Variants in MEIOSIN observed in about 807,000 individuals in gnomAD.
MEIOSIN encodes meiosis initiator protein.
A neutral mutation model predicts 23.4 loss-of-function variants in MEIOSIN; 18 were observed. The observed-to-expected ratio is 0.77, with a 90% CI of 0.53 to 1.14. MEIOSIN has a LOEUF of 1.14. Among genes scored for constraint, MEIOSIN ranks in the 50% most tolerant of loss-of-function variants. The probability of loss-of-function intolerance (pLI) is 0.00; values close to 1 mark genes in which losing one functional copy is unlikely to be tolerated. For missense variants in MEIOSIN, 428 were observed against 242.9 expected (o/e 1.76, Z -5.07); for synonymous variants, 187 against 100.6 (o/e 1.86, Z -5.14).
At chr19:45,759,321 G>A (rs952461990) in intron 10 of MEIOSIN, 93 bp from the exon 11 acceptor site, 6 of 681,250 alleles carry the variant, frequency 8.8e-6, no homozygotes, top group African/African-American at 5.3e-5. Flanking sequence ...CGCCAGAGAC[G>A]GGGACTCCGG....
intron 2 of MEIOSIN, among the ~76,000 whole-genome samples, chr19:45,736,911 C>T (rs988503177): frequency 1.3e-5 from 2 of 149,106 alleles, no homozygotes; most frequent in Non-Finnish European, 3.0e-5. Flanking sequence ...TCTTGCTGCC[C>T]AGGCTGGACT....
At chr19:45,755,779 A>C (rs566239757) in intron 7 of MEIOSIN, among the ~76,000 whole-genome samples, 191 bp from the exon 8 acceptor site, 2 of 152,242 alleles carry the variant, frequency 1.3e-5, no homozygotes, top group South Asian at 4.2e-4. Flanking sequence ...TGTGGGATTC[A>C]AAAAACCCAG....
At chr19:45,753,509 A>G in intron 5 of MEIOSIN, 142 bp from the exon 6 acceptor site, 1 of 581,474 alleles carries the variant, frequency 1.7e-6, no homozygotes, top group Non-Finnish European at 3.1e-6. Context: ...GGCCTTGGAT[A>G]AGCCCTCAGT....
At chr19:45,757,319 G>GA (rs1968850769) in intron 9 of MEIOSIN, 42 bp downstream of exon 9, 1 of 693,310 alleles carries the variant, frequency 1.4e-6, no homozygotes, top group African/African-American at 1.8e-5. Context: ...GCTGGTGTGG[G>GA]CCTTCCCATA....
chr19:45,737,204 GCT>G (rs1968422891), intron 2 of MEIOSIN, among the ~76,000 whole-genome samples: 1 of 147,846 alleles, frequency 6.8e-6, no homozygotes, highest in Admixed American at 6.8e-5. Flanking sequence ...ACAAGGTCTT[GCT>G]CTGTCACCTA....
intron 3 of MEIOSIN, 85 bp from the exon 4 acceptor site, chr19:45,745,107 G>T (rs1358933676): frequency 1.4e-6 from 1 of 690,924 alleles, no homozygotes; most frequent in Non-Finnish European, 2.6e-6. Context: ...GCCCTAAAAT[G>T]AGTAACACAG....
At chr19:45,751,216 G>A (rs1004277807) in intron 5 of MEIOSIN, among the ~76,000 whole-genome samples, 1 of 150,990 alleles carries the variant, frequency 6.6e-6, no homozygotes, top group African/African-American at 2.4e-5. Flanking sequence ...AGGTTGCTGT[G>A]AGCCGAGATC....
rs1210226173 is a variant in MEIOSIN at position 45,756,104 on chromosome 19, T to G, written c.911+26T>G. The G allele has an allele frequency of 4.3e-6, 3 of 701,882 alleles. No individual in the cohort carries two copies. The East Asian group carries it at 8.0e-5, about 19-fold the overall frequency. The allele number at this position is 701,882 out of a possible 1,614,324, so 43.5% of individuals were successfully genotyped here. ...GTAAGGGCGTCCCCAGGGCACTGAG[T>G]GAGTGGTGCTGAGGGGTTTGGTCTG... On this transcript the variant is annotated intron_variant, in intron 8 of 14. Transcript: ENST00000457052.
chr19:45,750,241 G>C (rs1295993266), intron 4 of MEIOSIN, among the ~76,000 whole-genome samples: 1 of 145,488 alleles, frequency 6.9e-6, no homozygotes, highest in Non-Finnish European at 1.5e-5. Context: ...GCAGTGGCAT[G>C]ATCTCAGCTC....
chr19:45,749,685 A>AAAC (rs1555783397), intron 4 of MEIOSIN, among the ~76,000 whole-genome samples: 3 of 147,034 alleles, frequency 2.0e-5, no homozygotes, highest in Admixed American at 6.7e-5. Flanking sequence ...AAAAAAAAAA[A>AAAC]AAAAAAGCGC....
chr19:45,754,832 T>C, intron 7 of MEIOSIN, 108 bp downstream of exon 7: 1 of 642,368 alleles, frequency 1.6e-6, no homozygotes, highest in Non-Finnish European at 2.8e-6. Context: ...CAGCAGTGAA[T>C]AGGAAACACC....
At position 45,758,964 on chromosome 19, in the gene MEIOSIN, C is replaced by A. The variant is rs1001190298; in HGVS notation, c.1099C>A (p.Leu367Ile). The A allele has an allele frequency of 1.4e-6, 1 of 703,102 alleles. No homozygotes were observed. Among genetic ancestry groups the A allele is most frequent in the Non-Finnish European group, 2.6e-6 (1 of 385,034 alleles). The allele number at this position is 703,102 out of a possible 1,614,324, so 43.6% of individuals were successfully genotyped here. A position where few individuals can be genotyped will look rare whatever the true frequency, so the allele number is the denominator to read the frequency against. The change falls in exon 10 of 15, where the codon CTT becomes ATT. Residue 367 changes from leucine to isoleucine, a missense_variant. Transcript: ENST00000457052. ...TGAGATCCTCGGGCTCAGCCCTAGC[C>A]TTTTCAGCTCCCCAGGGAAACTGCT... is the stretch of plus-strand genomic sequence containing the variant. ...PSEILGLSPSLFSSPGKLLPD... is the reference protein window; with the variant it reads ...PSEILGLSPSIFSSPGKLLPD...
chr19:45,749,398 G>A lies in MEIOSIN; in HGVS notation c.307-1277G>A, dbSNP rs1342455777. ...CAAAAAAAAAAAAAAAAAAAAGGCC[G>A]AGCGCAGTGGCTCACGCCTGTAATC... On this transcript the variant is annotated intron_variant, in intron 4 of 14. Coordinates refer to ENST00000457052, the MANE Select transcript of MEIOSIN (RefSeq NM_001310124.2). 7.3e-5 allele frequency among the ~76,000 whole-genome samples: 10 copies of A among 136,816 alleles called. No homozygotes were observed. In the East Asian group the frequency reaches 9.0e-4, roughly 12 times the overall value. The allele number at this position is 136,816 out of a possible 152,430, so 89.8% of individuals were successfully genotyped here. A position where few individuals can be genotyped will look rare whatever the true frequency, so the allele number is the denominator to read the frequency against.
chr19:45,735,435 G>A lies in MEIOSIN; in HGVS notation c.59G>A (p.Gly20Asp). The A allele has an allele frequency of 1.4e-6, 1 of 702,482 alleles. No individual in the cohort carries two copies. Among genetic ancestry groups the A allele is most frequent in the Non-Finnish European group, 2.6e-6 (1 of 384,758 alleles). The allele number at this position is 702,482 out of a possible 1,614,324, so 43.5% of individuals were successfully genotyped here. ...GAACAGCCCAGAGCTAATTCACTGG[G>A]TCCCAGTGACAGGTAAGGGCTTGCC... ...SSEQPRANSL[G>D]PSDRTLVLCS... The change falls in exon 2 of 15, where the codon GGT becomes GAT. Residue 20 changes from glycine (G) to aspartate (D), a missense_variant. Transcript: ENST00000457052.
intron 7 of MEIOSIN, among the ~76,000 whole-genome samples, chr19:45,755,124 TC>T (rs746539156): frequency 1.3e-5 from 2 of 151,594 alleles, no homozygotes; most frequent in Non-Finnish European, 2.9e-5. Flanking sequence ...GTCATCTCGT[TC>T]CTCTATTTGT....
intron 4 of MEIOSIN, among the ~76,000 whole-genome samples, chr19:45,747,981 G>C (rs1050566391): frequency 4.6e-5 from 7 of 152,160 alleles, no homozygotes; most frequent in Non-Finnish European, 1.0e-4. Flanking sequence ...CTACCCAGGA[G>C]GCTGAAGCAG....
intron 2 of MEIOSIN, 140 bp from the exon 3 acceptor site, chr19:45,739,486 C>T: frequency 1.6e-6 from 1 of 619,900 alleles, no homozygotes; most frequent in Non-Finnish European, 2.9e-6. Flanking sequence ...AAGATGGTTC[C>T]CAGCAGTTCC....
intron 11 of MEIOSIN, among the ~76,000 whole-genome samples, chr19:45,760,044 G>A (rs1386051479): frequency 1.3e-5 from 2 of 151,722 alleles, no homozygotes; most frequent in African/African-American, 4.8e-5. Flanking sequence ...CGAGTGATCC[G>A]CCCACCTTGG....
chr19:45,735,529 C>T lies in MEIOSIN; in HGVS notation c.71+82C>T, dbSNP rs148839426. ...ACAAAAACATTTGCTGAGCATTTAC[C>T]GTTTGCTAGACTCTTTGCCAAACAT... On this transcript the variant is annotated intron_variant, in intron 2 of 14. Transcript: ENST00000457052. The T allele has an allele frequency of 1.0e-3, 665 of 651,514 alleles. 4 individuals are homozygous for T. Among genetic ancestry groups the T allele is most frequent in the African/African-American group, 0.01 (566 of 55,648 alleles). The allele number at this position is 651,514 out of a possible 1,614,324, so 40.4% of individuals were successfully genotyped here. A position where few individuals can be genotyped will look rare whatever the true frequency, so the allele number is the denominator to read the frequency against.
Sources: gnomAD v4.1 joint callset for allele counts (sites outside exome capture counted in the v4.1 genomes callset) on GRCh38, gnomAD v4.1.1 for gene constraint, MANE v1.5 for transcripts, NCBI Gene and HGNC (gene_info 2026-07-23, HGNC 2026-07-21) for gene names.